The following SMYD3 variants were observed in gnomAD, a reference collection of about 807,000 sequenced individuals.
The protein encoded by SMYD3 is SET and MYND domain containing 3, also known as histone-lysine N-methyltransferase SMYD3.
A neutral mutation model predicts 57.7 loss-of-function variants in SMYD3; 36 were observed. The observed-to-expected ratio is 0.62, with a 90% CI of 0.48 to 0.82. The LOEUF is 0.82. Among genes scored for constraint, SMYD3 ranks in the 40% least tolerant of loss-of-function variants. SMYD3 has a pLI of 0.00. For missense variants in SMYD3, 515 were observed against 538.8 expected, an observed-to-expected ratio of 0.96 and a Z score of 0.44; for synonymous variants, 211 against 195.0, an observed-to-expected ratio of 1.08 and a Z score of -0.68.
chr1:245,872,605 TGAG>T (rs1209954928), intron 8 of SMYD3, among the ~76,000 whole-genome samples: 1 of 152,182 alleles, frequency 6.6e-6, no homozygotes, highest in East Asian at 1.9e-4. Context: ...ATGCTCGTGG[TGAG>T]GAGAAGAAGT....
chr1:246,164,497 C>A (rs1052959834), intron 5 of SMYD3, among the ~76,000 whole-genome samples: 6 of 152,192 alleles, frequency 3.9e-5, no homozygotes, highest in African/African-American at 1.4e-4. Context: ...CCTTAGAGAT[C>A]TGCTATTTCC....
chr1:246,164,229 T>A (rs2062167193), intron 5 of SMYD3, among the ~76,000 whole-genome samples: 1 of 152,142 alleles, frequency 6.6e-6, no homozygotes, highest in African/African-American at 2.4e-5. Flanking sequence ...CAGACCAGAC[T>A]GGCCAATATG....
intron 5 of SMYD3, among the ~76,000 whole-genome samples, chr1:246,204,570 C>T (rs7530979): frequency 0.13 from 20,153 of 152,196 alleles, 3,484 homozygotes; most frequent in African/African-American, 0.39. Flanking sequence ...AAGCTCACCA[C>T]TTAATTTACC....
At chr1:245,820,742 A>G (rs2049113901) in intron 10 of SMYD3, among the ~76,000 whole-genome samples, 1 of 151,254 alleles carries the variant, frequency 6.6e-6, no homozygotes, top group Non-Finnish European at 1.5e-5. Context: ...GCATTCTTAT[A>G]CACCAACAAC....
At position 246,204,752 on chromosome 1, in the gene SMYD3, T is replaced by A. The variant is rs144795170; in HGVS notation, c.531+122449A>T. ...TACCCAAAAGGTCCATTTATCTGCA[T>A]GCTTAACATTTTAGAACACAGTCAA... On this transcript the variant is annotated intron_variant, in intron 5 of 11. Transcript: ENST00000490107. 1.9e-3 allele frequency among the ~76,000 whole-genome samples: 297 copies of A among 152,352 alleles called. 2 individuals carry two copies. The highest frequency in any genetic ancestry group is 6.8e-3 in the African/African-American group (283 of 41,582).
chr1:246,319,151 T>C (rs2148647184), intron 5 of SMYD3, among the ~76,000 whole-genome samples: 2 of 152,350 alleles, frequency 1.3e-5, no homozygotes, highest in South Asian at 2.1e-4. Flanking sequence ...ATATAAATCA[T>C]AGATGCATGA....
At chr1:246,018,778 T>G (rs2059420568) in intron 5 of SMYD3, among the ~76,000 whole-genome samples, 1 of 151,564 alleles carries the variant, frequency 6.6e-6, no homozygotes, top group African/African-American at 2.4e-5. Flanking sequence ...CTTTTTTTTT[T>G]TTTTCCTGTA....
intron 5 of SMYD3, among the ~76,000 whole-genome samples, chr1:246,291,969 T>C (rs1465448790): frequency 6.6e-6 from 1 of 151,950 alleles, no homozygotes; most frequent in East Asian, 1.9e-4. Context: ...ACCAGCATCT[T>C]AGACTTACTA....
intron 4 of SMYD3, among the ~76,000 whole-genome samples, chr1:246,329,004 T>TA (rs1366831209): frequency 6.6e-6 from 1 of 152,180 alleles, no homozygotes; most frequent in Admixed American, 6.5e-5. Flanking sequence ...TCCATGTCCC[T>TA]ACAAAGGACA....
At position 245,764,053 on chromosome 1, in the gene SMYD3, C is replaced by T. The variant is rs1387643826; in HGVS notation, c.1173G>A (p.Lys391=). 89 of 1,613,484 alleles carry T rather than the reference C, an allele frequency of 5.5e-5. No homozygotes were observed. Among genetic ancestry groups the T allele is most frequent in the Non-Finnish European group, 7.4e-5 (87 of 1,179,444 alleles). ...TTGGCACACTCACCAGTCTCAGATTCTTCATTGCTTGGGGAAACATGCCTT... is the reference window on the plus strand; with the variant it reads ...TTGGCACACTCACCAGTCTCAGATTTTTCATTGCTTGGGGAAACATGCCTT... The part of the protein sequence containing the change: ...LHQGMFPQAM[K]NLRLAFDIMR... Residue 391 remains lysine (K), a synonymous_variant, in exon 11 of 12, where the codon AAG becomes AAA. Transcript: ENST00000490107.
chr1:246,301,361 T>G (rs767020975), intron 5 of SMYD3, among the ~76,000 whole-genome samples: 1 of 151,898 alleles, frequency 6.6e-6, no homozygotes, highest in Admixed American at 6.6e-5. Flanking sequence ...GTAACTGTGA[T>G]AAAAGACAGG....
chr1:246,288,548 G>T (rs2064620268), intron 5 of SMYD3, among the ~76,000 whole-genome samples: 1 of 152,112 alleles, frequency 6.6e-6, no homozygotes, highest in African/African-American at 2.4e-5. Flanking sequence ...GCTAAGGCTA[G>T]TCCAGGCACA....
At chr1:245,953,419 G>T in intron 5 of SMYD3, 1 of 895,788 alleles carries the variant, frequency 1.1e-6, no homozygotes, top group Non-Finnish European at 1.4e-6. Flanking sequence ...GTAGGGTTCA[G>T]TTTGTTTTGT....
chr1:245,921,152 T>C (rs953537957), intron 7 of SMYD3, among the ~76,000 whole-genome samples: 1 of 152,102 alleles, frequency 6.6e-6, no homozygotes, highest in African/African-American at 2.4e-5. Context: ...AAAGAAGACA[T>C]ACCAGCAGCC....
chr1:245,918,635 C>T (rs2055628078), intron 7 of SMYD3, among the ~76,000 whole-genome samples: 1 of 152,202 alleles, frequency 6.6e-6, no homozygotes, highest in Non-Finnish European at 1.5e-5. Flanking sequence ...TCCAAATAAC[C>T]TATTTCCAAG....
rs113431965 is a variant in SMYD3 at position 246,172,091 on chromosome 1, C to G, written c.531+155110G>C. 1.6e-3 allele frequency among the ~76,000 whole-genome samples: 246 copies of G among 152,330 alleles called. 1 individual carries two copies. Among genetic ancestry groups the G allele is most frequent in the African/African-American group, 5.5e-3 (229 of 41,570 alleles). ...ACCATGAATGGAGCTTGCAGGACTA[C>G]AAGTTGCTCTCCGTGAATGAGCGAG... On this transcript the variant is annotated intron_variant, in intron 5 of 11. Coordinates refer to ENST00000490107, the MANE Select transcript of SMYD3 (RefSeq NM_001167740.2).
chr1:246,197,733 A>G (rs954629279), intron 5 of SMYD3, among the ~76,000 whole-genome samples: 1 of 152,216 alleles, frequency 6.6e-6, no homozygotes, highest in Non-Finnish European at 1.5e-5. Flanking sequence ...TAGTACCAGT[A>G]TATCAATATT....
At chr1:246,117,428 C>T (rs755207968) in intron 5 of SMYD3, among the ~76,000 whole-genome samples, 1 of 152,128 alleles carries the variant, frequency 6.6e-6, no homozygotes, top group Admixed American at 6.5e-5. Flanking sequence ...AAATACCTCT[C>T]GAAGCCAGGT....
At position 245,853,411 on chromosome 1, in the gene SMYD3, G is replaced by T. The variant is rs557053179; in HGVS notation, c.1076+5085C>A. Among the ~76,000 whole-genome samples the T allele has an allele frequency of 8.5e-5, 13 of 152,336 alleles. No individual in the cohort carries two copies. The South Asian group carries it at 2.7e-3, about 32-fold the overall frequency. On this transcript the variant is annotated intron_variant, in intron 10 of 11. Coordinates refer to ENST00000490107, the MANE Select transcript of SMYD3 (RefSeq NM_001167740.2). ...GAGAGGCAGACCCAAAGCAAGCGCT[G>T]GGTATGTGACGGCATCGAACGCGCG...
Sources: allele counts gnomAD v4.1 joint callset (sites outside exome capture counted in the v4.1 genomes callset), GRCh38; gene constraint gnomAD v4.1.1; transcripts MANE v1.5; gene names NCBI Gene and HGNC (gene_info 2026-07-23, HGNC 2026-07-21).